ANTXR1: variants seen among roughly 807,000 people sequenced by gnomAD.
The protein encoded by ANTXR1 is anthrax toxin receptor 1.
ANTXR1 carries 19 observed loss-of-function variants against 78.1 expected under a neutral mutation model. The observed-to-expected ratio is 0.24, with a 90% confidence interval of 0.17 to 0.36. The LOEUF is 0.36. Ranked by LOEUF, ANTXR1 falls within the 10% of genes least tolerant of loss-of-function variation. The pLI is 1.00. For missense variants in ANTXR1, 518 were observed against 718.6 expected (o/e 0.72, Z 3.19); for synonymous variants, 273 against 260.5 (o/e 1.05, Z -0.46).
intron 17 of ANTXR1, among the ~76,000 whole-genome samples, chr2:69,220,773 G>A (rs912450089): frequency 7.2e-5 from 11 of 152,264 alleles, no homozygotes; most frequent in African/African-American, 1.2e-4. Context: ...GATTGTTGGG[G>A]GCCAATCCTA....
chr2:69,031,443 C>G (rs1671528590), intron 1 of ANTXR1, among the ~76,000 whole-genome samples: 1 of 152,154 alleles, frequency 6.6e-6, no homozygotes, highest in South Asian at 2.1e-4. Context: ...TTAAATACAT[C>G]CAAATTAAAA....
chr2:69,088,200 A>C (rs575304834), intron 8 of ANTXR1, among the ~76,000 whole-genome samples: 2 of 152,308 alleles, frequency 1.3e-5, no homozygotes, highest in East Asian at 3.9e-4. Flanking sequence ...TTTGTGGTTA[A>C]AGATCCACGG....
intron 9 of ANTXR1, among the ~76,000 whole-genome samples, chr2:69,098,153 C>T (rs1019621743): frequency 2.6e-5 from 4 of 152,150 alleles, no homozygotes; most frequent in Non-Finnish European, 4.4e-5. Flanking sequence ...GACAGCTACG[C>T]TCACTGTCTT....
chr2:69,230,407 A>G (rs1675562382), intron 17 of ANTXR1, among the ~76,000 whole-genome samples: 1 of 152,012 alleles, frequency 6.6e-6, no homozygotes, highest in African/African-American at 2.4e-5. Context: ...ATTCATTTGT[A>G]TGGCAAGTAG....
At chr2:69,205,287 A>G (rs1674868461) in intron 17 of ANTXR1, among the ~76,000 whole-genome samples, 1 of 152,118 alleles carries the variant, frequency 6.6e-6, no homozygotes, top group Non-Finnish European at 1.5e-5. Context: ...GAGGAACAGC[A>G]TGTGTAAAAG....
intron 16 of ANTXR1, among the ~76,000 whole-genome samples, chr2:69,188,028 G>T (rs1410115771): frequency 1.1e-5 from 1 of 88,834 alleles, no homozygotes; most frequent in Non-Finnish European, 2.0e-5. Context: ...TACAACTGCT[G>T]CCTGGCAAAA....
chr2:69,193,866 G>T (rs941128783), intron 17 of ANTXR1, among the ~76,000 whole-genome samples: 1 of 152,142 alleles, frequency 6.6e-6, no homozygotes, highest in African/African-American at 2.4e-5. Context: ...GGCAAGGAAG[G>T]GGCCACAGAA....
chr2:69,205,135 G>A (rs748396104), intron 17 of ANTXR1, among the ~76,000 whole-genome samples: 1 of 152,168 alleles, frequency 6.6e-6, no homozygotes, highest in Non-Finnish European at 1.5e-5. Context: ...GGGGGAGTTT[G>A]GAGTTCTCTG....
In ANTXR1 at chr2:69,076,149, T is replaced by A. The variant is rs559929907; in HGVS notation, c.561+491T>A. Among the ~76,000 whole-genome samples the A allele has an allele frequency of 3.5e-3, 532 of 152,164 alleles. 3 individuals carry two copies. The highest frequency in any genetic ancestry group is 0.012 in the African/African-American group (484 of 41,498). On this transcript the variant is annotated intron_variant, in intron 7 of 17. Transcript: ENST00000303714. ...ACCATCACACTTGGCTACTTTTTTT[T>A]AAATTTTTGTAAAGATAAAGCCTCA...
intron 17 of ANTXR1, among the ~76,000 whole-genome samples, chr2:69,233,237 C>CAT (rs991381904): frequency 2.3e-4 from 35 of 151,948 alleles, no homozygotes; most frequent in African/African-American, 8.0e-4. Context: ...AAATACAGAA[C>CAT]ATATAAAAAG....
chr2:69,218,057 A>G (rs74835177), intron 17 of ANTXR1, among the ~76,000 whole-genome samples: 1,706 of 152,276 alleles, frequency 0.011, 36 homozygotes, highest in African/African-American at 0.039. Flanking sequence ...AAGGATTCCT[A>G]TCATCTCCTT....
chr2:69,051,470 T>C (rs947391212), intron 3 of ANTXR1, among the ~76,000 whole-genome samples: 3 of 152,120 alleles, frequency 2.0e-5, no homozygotes, highest in Non-Finnish European at 2.9e-5. Context: ...GAAAAGTGTT[T>C]CACAATTTTC....
intron 8 of ANTXR1, among the ~76,000 whole-genome samples, chr2:69,081,101 C>T (rs1558525180): frequency 6.6e-6 from 1 of 152,196 alleles, no homozygotes; most frequent in Non-Finnish European, 1.5e-5. Flanking sequence ...ATTAGCGCCT[C>T]TGCCAGGCAC....
intron 16 of ANTXR1, among the ~76,000 whole-genome samples, chr2:69,191,939 T>G (rs1039556908): frequency 6.6e-6 from 1 of 152,244 alleles, no homozygotes; most frequent in Non-Finnish European, 1.5e-5. Context: ...CTGGGACTGC[T>G]GGGACAATTC....
At chr2:69,149,585 C>A (rs946249664) in intron 12 of ANTXR1, among the ~76,000 whole-genome samples, 25 of 152,306 alleles carry the variant, frequency 1.6e-4, no homozygotes, top group African/African-American at 5.8e-4. Flanking sequence ...TGAAGTACTG[C>A]TGTTTTGTAA....
chr2:69,194,206 A>T (rs1410970313), intron 17 of ANTXR1, among the ~76,000 whole-genome samples: 1 of 152,246 alleles, frequency 6.6e-6, no homozygotes, highest in African/African-American at 2.4e-5. Context: ...CCGAAACAAC[A>T]CTATCACTAT....
chr2:69,194,945 G>A (rs945047814), intron 17 of ANTXR1, among the ~76,000 whole-genome samples: 1 of 152,074 alleles, frequency 6.6e-6, no homozygotes, highest in Non-Finnish European at 1.5e-5. Context: ...CAAGGCGGGT[G>A]GATCACAAGG....
intron 17 of ANTXR1, among the ~76,000 whole-genome samples, chr2:69,242,188 A>C (rs1574000074): frequency 6.6e-6 from 1 of 151,528 alleles, no homozygotes; most frequent in African/African-American, 2.4e-5. Flanking sequence ...ATTTTACCCC[A>C]CCCCATCTCC....
chr2:69,131,043 A>G lies in ANTXR1; in HGVS notation c.951+6400A>G, dbSNP rs150144786. Among the ~76,000 whole-genome samples the G allele has an allele frequency of 9.0e-3, 1,372 of 152,352 alleles. 22 individuals are homozygous for G. Among genetic ancestry groups the G allele is most frequent in the African/African-American group, 0.031 (1,302 of 41,580 alleles). ...TTAGACAAATTAAACACATGAATTA[A>G]AGCAAATAAAGTTGATACATTATTA... On this transcript the variant is annotated intron_variant, in intron 12 of 17. Coordinates refer to ENST00000303714, the MANE Select transcript of ANTXR1 (RefSeq NM_032208.3).
Sources: gnomAD v4.1 joint callset for allele counts (sites outside exome capture counted in the v4.1 genomes callset) on GRCh38, gnomAD v4.1.1 for gene constraint, MANE v1.5 for transcripts, NCBI Gene and HGNC (gene_info 2026-07-23, HGNC 2026-07-21) for gene names.